Variants in CPNE8 observed in about 807,000 individuals in gnomAD.
CPNE8 encodes the protein copine 8.
In CPNE8, 45 loss-of-function variants were observed where a neutral mutation model predicts 81.5. That is an observed-to-expected ratio of 0.55 (90% confidence interval 0.44 to 0.71). CPNE8 has a LOEUF of 0.71. CPNE8 is among the 30% of genes least tolerant of loss of function. CPNE8 has a pLI of 0.00. For missense variants in CPNE8, 594 were observed against 672.1 expected (o/e 0.88, Z 1.28); for synonymous variants, 252 against 226.3 (o/e 1.11, Z -1.02).
intron 7 of CPNE8, among the ~76,000 whole-genome samples, chr12:38,774,325 G>C (rs1565608314): frequency 6.6e-6 from 1 of 152,062 alleles, no homozygotes; most frequent in Non-Finnish European, 1.5e-5. Flanking sequence ...AAAAGAACAT[G>C]TATCTTATTG....
intron 3 of CPNE8, among the ~76,000 whole-genome samples, chr12:38,867,646 A>G (rs1943936149): frequency 6.6e-6 from 1 of 152,208 alleles, no homozygotes; most frequent in Non-Finnish European, 1.5e-5. Context: ...TGAATTGTCT[A>G]TGGATAACTA....
chr12:38,762,549 A>G (rs1258690793), intron 8 of CPNE8, among the ~76,000 whole-genome samples: 1 of 152,220 alleles, frequency 6.6e-6, no homozygotes, highest in Non-Finnish European at 1.5e-5. Context: ...AGCAACTTTG[A>G]GAAGAACAGC....
rs957059030 is a variant in CPNE8, at chr12:38,725,562, A to G, written c.799-663T>C. Among the ~76,000 whole-genome samples the G allele has an allele frequency of 8.5e-5, 13 of 152,372 alleles. No homozygotes were observed. In the South Asian group the frequency reaches 1.4e-3, roughly 17 times the overall value. ...TAATTGCCTGAGGAGAGACTTCTTCAGATCATCTCAATCCAAAATATGGAG... is the reference window on the plus strand; with the variant it reads ...TAATTGCCTGAGGAGAGACTTCTTCGGATCATCTCAATCCAAAATATGGAG... On this transcript the variant is annotated intron_variant, in intron 11 of 19. Coordinates refer to ENST00000331366, the MANE Select transcript of CPNE8 (RefSeq NM_153634.3).
rs571614981 is a variant in CPNE8, at chr12:38,796,220, G to C, written c.408-19919C>G. ...AAGAAGCACTTGAACTTGGGAGGCA[G>C]GAGTTGCAGTGAGCCAAGATCGTGC... On this transcript the variant is annotated intron_variant, in intron 6 of 19. Coordinates refer to ENST00000331366, the MANE Select transcript of CPNE8 (RefSeq NM_153634.3). Among the ~76,000 whole-genome samples the C allele has an allele frequency of 2.6e-5, 4 of 152,270 alleles. No individual in the cohort carries two copies. The South Asian group carries it at 8.3e-4, about 32-fold the overall frequency.
intron 6 of CPNE8, among the ~76,000 whole-genome samples, chr12:38,797,010 G>A (rs939404039): frequency 6.6e-6 from 1 of 152,188 alleles, no homozygotes; most frequent in Non-Finnish European, 1.5e-5. Flanking sequence ...GCCCGCCATT[G>A]CCCAGGCTTG....
At chr12:38,858,264 A>G (rs939558208) in intron 3 of CPNE8, among the ~76,000 whole-genome samples, 2 of 152,212 alleles carry the variant, frequency 1.3e-5, no homozygotes, top group Non-Finnish European at 2.9e-5. Context: ...TACCTAACAT[A>G]GATGGTTATG....
chr12:38,803,722 C>T lies in CPNE8; in HGVS notation c.407+25657G>A, dbSNP rs553733519. On this transcript the variant is annotated intron_variant, in intron 6 of 19. Coordinates refer to ENST00000331366, the MANE Select transcript of CPNE8 (RefSeq NM_153634.3). The stretch of plus-strand genomic sequence containing the variant: ...AGGAAAAAAAGGAAGTCAAATTGTC[C>T]CTGTTTGCAGACGACATGATTGTTT... Among the ~76,000 whole-genome samples the T allele has an allele frequency of 1.1e-3, 158 of 149,570 alleles. 1 individual carries two copies. The highest frequency in any genetic ancestry group is 3.6e-3 in the African/African-American group (147 of 40,900).
chr12:38,836,961 C>T (rs1025555578), intron 5 of CPNE8, among the ~76,000 whole-genome samples: 1 of 152,138 alleles, frequency 6.6e-6, no homozygotes, highest in Non-Finnish European at 1.5e-5. Flanking sequence ...CTTTCGACAT[C>T]CTTCACCTAC....
chr12:38,666,111 C>G (rs760707026), intron 19 of CPNE8, among the ~76,000 whole-genome samples: 1 of 152,144 alleles, frequency 6.6e-6, no homozygotes, highest in Non-Finnish European at 1.5e-5. Flanking sequence ...GAAACTGAAA[C>G]TTAGAAAGTT....
At chr12:38,656,321 C>CTT (rs71068570) in intron 19 of CPNE8, among the ~76,000 whole-genome samples, 11 of 137,544 alleles carry the variant, frequency 8.0e-5, no homozygotes, top group East Asian at 6.4e-4. Context: ...GGTCTTTAGA[C>CTT]TTTTTTTTTT....
At chr12:38,695,954 A>C (rs1405855709) in intron 14 of CPNE8, among the ~76,000 whole-genome samples, 1 of 152,080 alleles carries the variant, frequency 6.6e-6, no homozygotes, top group African/African-American at 2.4e-5. Flanking sequence ...AACAAACACA[A>C]ACAAACAAAC....
intron 10 of CPNE8, among the ~76,000 whole-genome samples, chr12:38,755,425 C>T (rs1941435388): frequency 6.6e-6 from 1 of 152,098 alleles, no homozygotes; most frequent in South Asian, 2.1e-4. Flanking sequence ...CTAATGCTCC[C>T]TGAATTTTAA....
At chr12:38,669,778 A>C (rs1186320878) in intron 19 of CPNE8, among the ~76,000 whole-genome samples, 1 of 152,208 alleles carries the variant, frequency 6.6e-6, no homozygotes, top group East Asian at 1.9e-4. Flanking sequence ...CCAGTAAAAC[A>C]GTGGGCCTTG....
chr12:38,758,648 T>G (rs1406826850), intron 10 of CPNE8, among the ~76,000 whole-genome samples: 3 of 152,200 alleles, frequency 2.0e-5, no homozygotes, highest in Non-Finnish European at 4.4e-5. Flanking sequence ...AGGTAACTAA[T>G]GTAGTACCTA....
intron 1 of CPNE8, among the ~76,000 whole-genome samples, chr12:38,875,655 C>G (rs1407644365): frequency 6.6e-6 from 1 of 152,108 alleles, no homozygotes; most frequent in African/African-American, 2.4e-5. Context: ...CATTGAATCA[C>G]TATACACTGA....
chr12:38,777,889 G>A (rs963036894), intron 6 of CPNE8, among the ~76,000 whole-genome samples: 4 of 152,100 alleles, frequency 2.6e-5, no homozygotes, highest in African/African-American at 9.7e-5. Context: ...CCTGAGCTCT[G>A]CCTCTTGTCA....
intron 10 of CPNE8, among the ~76,000 whole-genome samples, chr12:38,734,336 T>C (rs1011557136): frequency 2.6e-5 from 4 of 152,080 alleles, no homozygotes; most frequent in Admixed American, 2.6e-4. Flanking sequence ...CAAGTGCCAA[T>C]CATATTAAAC....
At position 38,904,782 on chromosome 12, in the gene CPNE8, A is replaced by G. The variant is rs928127156; in HGVS notation, c.98+655T>C. ...TACTGAGCCACTGCGCCCGGCCGAGAGTCAGTTTTTACAAGCACTCAGATG... is the reference window on the plus strand; with the variant it reads ...TACTGAGCCACTGCGCCCGGCCGAGGGTCAGTTTTTACAAGCACTCAGATG... On this transcript the variant is annotated intron_variant, in intron 1 of 19. Transcript: ENST00000331366. Among the ~76,000 whole-genome samples, 95 of 152,012 alleles carry G rather than the reference A, an allele frequency of 6.2e-4. 2 individuals are homozygous for G. Among genetic ancestry groups the G allele is most frequent in the Admixed American group, 5.2e-4 (8 of 15,264 alleles).
chr12:38,674,106 A>C, intron 18 of CPNE8, among the ~76,000 whole-genome samples: 1 of 152,072 alleles, frequency 6.6e-6, no homozygotes, highest in South Asian at 2.1e-4. Context: ...ATACCTTAAA[A>C]CCCTAACAAA....
Sources: allele counts gnomAD v4.1 joint callset (sites outside exome capture counted in the v4.1 genomes callset), GRCh38; gene constraint gnomAD v4.1.1; transcripts MANE v1.5; gene names NCBI Gene and HGNC (gene_info 2026-07-23, HGNC 2026-07-21).